SAMTOR: variants seen among roughly 807,000 people sequenced by gnomAD.
The protein encoded by SAMTOR is S-adenosylmethionine sensor upstream of mTORC1.
At chr7:112,854,249 C>A in the SAMTOR span, among the ~76,000 whole-genome samples, 11 of 151,998 alleles carry the variant, frequency 7.2e-5, no homozygotes, top group African/African-American at 2.7e-4. Context: ...TTTCTGTATG[C>A]ATAAAAAAAT....
chr7:112,935,457 G>T, the SAMTOR span, among the ~76,000 whole-genome samples: 1 of 152,256 alleles, frequency 6.6e-6, no homozygotes, highest in South Asian at 2.1e-4. Context: ...AGTGTTTGCT[G>T]AAGAATAGTC....
At chr7:112,939,317 C>G in the SAMTOR span, 141 of 518,698 alleles carry the variant, frequency 2.7e-4, no homozygotes, top group East Asian at 4.4e-3. Context: ...AACCTCAGCA[C>G]CCCGGCTGGG....
chr7:112,867,557 C>A, the SAMTOR span, among the ~76,000 whole-genome samples: 1 of 152,190 alleles, frequency 6.6e-6, no homozygotes, highest in Non-Finnish European at 1.5e-5. Context: ...AGGTACAATG[C>A]CACTTAGTAT....
the SAMTOR span, chr7:112,939,846 A>C: frequency 2.1e-6 from 2 of 954,974 alleles, no homozygotes; most frequent in Non-Finnish European, 1.5e-6. Context: ...CGGAGGCAGC[A>C]GCCAGAGGAG....
chr7:112,858,892 A>G, the SAMTOR span, among the ~76,000 whole-genome samples: 10 of 152,232 alleles, frequency 6.6e-5, no homozygotes, highest in Non-Finnish European at 1.3e-4. Flanking sequence ...GATGATTAAT[A>G]TTATGCATCA....
At chr7:112,873,931 G>A in the SAMTOR span, among the ~76,000 whole-genome samples, 1 of 152,018 alleles carries the variant, frequency 6.6e-6, no homozygotes, top group Non-Finnish European at 1.5e-5. Flanking sequence ...ACATACCTGT[G>A]GCTAACAAAC....
the SAMTOR span, among the ~76,000 whole-genome samples, chr7:112,825,615 C>T: frequency 1.3e-5 from 2 of 152,106 alleles, no homozygotes; most frequent in Non-Finnish European, 2.9e-5. Flanking sequence ...AATAGATGAT[C>T]GATGACACCT....
the SAMTOR span, among the ~76,000 whole-genome samples, chr7:112,881,519 T>C: frequency 6.6e-6 from 1 of 152,124 alleles, no homozygotes; most frequent in South Asian, 2.1e-4. Context: ...CAAACAGACA[T>C]TGGGACTACC....
chr7:112,863,473 A>G, the SAMTOR span, among the ~76,000 whole-genome samples: 26 of 152,250 alleles, frequency 1.7e-4, no homozygotes, highest in Non-Finnish European at 2.6e-4. Context: ...TAGCAAAAGA[A>G]ACTGTCAACA....
chr7:112,898,728 G>A, the SAMTOR span, among the ~76,000 whole-genome samples: 1 of 152,158 alleles, frequency 6.6e-6, no homozygotes, highest in Non-Finnish European at 1.5e-5. Context: ...CCCCAACTCT[G>A]GTCAGACCAG....
chr7:112,908,936 C>A, the SAMTOR span, among the ~76,000 whole-genome samples: 3 of 152,136 alleles, frequency 2.0e-5, no homozygotes, highest in Non-Finnish European at 4.4e-5. Context: ...GAAAAGACCT[C>A]ACGTTTCATT....
chr7:112,872,487 C>T, the SAMTOR span, among the ~76,000 whole-genome samples: 2 of 151,926 alleles, frequency 1.3e-5, no homozygotes, highest in East Asian at 1.9e-4. Context: ...TAAGAGCCAC[C>T]GATGACAAAC....
At chr7:112,880,547 G>T in the SAMTOR span, among the ~76,000 whole-genome samples, 30 of 152,230 alleles carry the variant, frequency 2.0e-4, no homozygotes, top group African/African-American at 6.7e-4. Flanking sequence ...ACTTAATTTT[G>T]AAATTGATAA....
At chr7:112,899,789 G>GAAAAAAA in the SAMTOR span, among the ~76,000 whole-genome samples, 20 of 113,372 alleles carry the variant, frequency 1.8e-4, no homozygotes, top group Non-Finnish European at 1.7e-4. Flanking sequence ...TGTGCTGAAG[G>GAAAAAAA]AAAAAAAAAA....
At chr7:112,920,153 G>C in the SAMTOR span, among the ~76,000 whole-genome samples, 1 of 152,136 alleles carries the variant, frequency 6.6e-6, no homozygotes, top group Non-Finnish European at 1.5e-5. Context: ...CCAAAAAAGA[G>C]AATTTTAGAC....
chr7:112,825,218 G>A, the SAMTOR span, among the ~76,000 whole-genome samples: 3 of 151,718 alleles, frequency 2.0e-5, no homozygotes, highest in Admixed American at 2.0e-4. Context: ...GTAGAGACAG[G>A]TTTTTGCCAC....
chr7:112,935,519 G>C, the SAMTOR span, among the ~76,000 whole-genome samples: 17 of 152,066 alleles, frequency 1.1e-4, no homozygotes, highest in Non-Finnish European at 1.3e-4. Flanking sequence ...TAATTCACCT[G>C]TTAAGATCAC....
chr7:112,918,336 G>C, the SAMTOR span, among the ~76,000 whole-genome samples: 87 of 152,254 alleles, frequency 5.7e-4, no homozygotes, highest in African/African-American at 2.0e-3. Context: ...AATTTCATAT[G>C]CAGCCAAACT....
the SAMTOR span, among the ~76,000 whole-genome samples, chr7:112,876,817 T>C: frequency 3.3e-5 from 5 of 152,214 alleles, no homozygotes; most frequent in African/African-American, 1.2e-4. Context: ...GTCACTGTTT[T>C]CTGAAAATAC....
Sources: gnomAD v4.1 joint callset for allele counts (sites outside exome capture counted in the v4.1 genomes callset) on GRCh38, gnomAD v4.1.1 for gene constraint, MANE v1.5 for transcripts, NCBI Gene and HGNC (gene_info 2026-07-23, HGNC 2026-07-21) for gene names.